CNTNAP2: variants seen among roughly 807,000 people sequenced by gnomAD.
The protein encoded by CNTNAP2 is contactin-associated protein-like 2.
CNTNAP2 carries 98 observed loss-of-function variants against 155.2 expected under a neutral mutation model. That is an observed-to-expected ratio of 0.63 (90% CI 0.54 to 0.75). The LOEUF is 0.75. Among genes scored for constraint, CNTNAP2 ranks in the 30% least tolerant of loss-of-function variants. The pLI is 0.00. For missense variants in CNTNAP2, 1,727 were observed against 1,688.1 expected, an observed-to-expected ratio of 1.02 and a Z score of -0.40; for synonymous variants, 651 against 631.2, an observed-to-expected ratio of 1.03 and a Z score of -0.47.
chr7:146,699,248 G>A (rs1424963064), intron 1 of CNTNAP2, among the ~76,000 whole-genome samples: 4 of 152,224 alleles, frequency 2.6e-5, no homozygotes, highest in South Asian at 4.2e-4. Flanking sequence ...AGTCTGCCCA[G>A]GATTTAAGCT....
In CNTNAP2 at chr7:147,601,593, G is replaced by A. The variant is rs556795432; in HGVS notation, c.1898-37513G>A. Among the ~76,000 whole-genome samples, 46 of 144,836 alleles carry A rather than the reference G, an allele frequency of 3.2e-4. No homozygotes were observed. The South Asian group carries it at 3.9e-3, about 12-fold the overall frequency. On this transcript the variant is annotated intron_variant, in intron 12 of 23. Transcript: ENST00000361727. ...TGGCTTAGCTTGGGCTCAGAGGCCT[G>A]ACAAGTATATTTTAGTATGTATCTC...
chr7:147,504,946 ACACACGCATG>A (rs1798881322), intron 11 of CNTNAP2, among the ~76,000 whole-genome samples: 1 of 152,036 alleles, frequency 6.6e-6, no homozygotes, highest in Non-Finnish European at 1.5e-5. Flanking sequence ...ACATGCACAC[ACACACGCATG>A]CACACACTGA....
chr7:146,848,251 A>G (rs1447269136), intron 3 of CNTNAP2, among the ~76,000 whole-genome samples: 1 of 152,168 alleles, frequency 6.6e-6, no homozygotes, highest in East Asian at 1.9e-4. Context: ...CTCTCACGAG[A>G]AAGAGGAATA....
intron 14 of CNTNAP2, among the ~76,000 whole-genome samples, chr7:147,956,322 G>C (rs1300571420): frequency 6.7e-6 from 1 of 150,126 alleles, no homozygotes. Context: ...AAAGCTATCA[G>C]TGAGATAAGC....
intron 8 of CNTNAP2, among the ~76,000 whole-genome samples, chr7:147,134,198 C>T (rs574467383): frequency 2.6e-5 from 4 of 151,880 alleles, no homozygotes; most frequent in Non-Finnish European, 4.4e-5. Context: ...AAGATATTAA[C>T]CCTAGTGGTC....
At chr7:146,127,826 T>C (rs1243700438) in intron 1 of CNTNAP2, among the ~76,000 whole-genome samples, 1 of 152,210 alleles carries the variant, frequency 6.6e-6, no homozygotes, top group African/African-American at 2.4e-5. Context: ...TCTGAAAAAC[T>C]TGATAACTAT....
intron 1 of CNTNAP2, among the ~76,000 whole-genome samples, chr7:146,165,769 G>A (rs1267040337): frequency 6.6e-6 from 1 of 152,112 alleles, no homozygotes; most frequent in Non-Finnish European, 1.5e-5. Flanking sequence ...ACAAAAGTTA[G>A]CAGGTTATAA....
At chr7:146,449,312 A>G (rs1796444802) in intron 1 of CNTNAP2, among the ~76,000 whole-genome samples, 1 of 151,936 alleles carries the variant, frequency 6.6e-6, no homozygotes, top group South Asian at 2.1e-4. Flanking sequence ...CTGTGTCATC[A>G]TAGTGTTGGT....
chr7:148,397,772 G>A (rs978834426), intron 22 of CNTNAP2, among the ~76,000 whole-genome samples: 1 of 152,236 alleles, frequency 6.6e-6, no homozygotes, highest in Non-Finnish European at 1.5e-5. Flanking sequence ...GCACCAGGGA[G>A]GAATGGTGTG....
At chr7:146,488,679 G>GTACA (rs1797094860) in intron 1 of CNTNAP2, among the ~76,000 whole-genome samples, 1 of 152,060 alleles carries the variant, frequency 6.6e-6, no homozygotes, top group South Asian at 2.1e-4. Flanking sequence ...TTGTGCTGGT[G>GTACA]TACAGTGCCA....
At chr7:147,625,459 A>G (rs1794953451) in intron 12 of CNTNAP2, among the ~76,000 whole-genome samples, 1 of 152,270 alleles carries the variant, frequency 6.6e-6, no homozygotes, top group South Asian at 2.1e-4. Context: ...GTAATATACA[A>G]GTGTTACAAA....
At chr7:147,734,983 AT>A (rs144986879) in intron 13 of CNTNAP2, among the ~76,000 whole-genome samples, 1,680 of 148,634 alleles carry the variant, frequency 0.011, 97 homozygotes, top group Admixed American at 0.088. Flanking sequence ...GGATTCATTG[AT>A]TTTTTTTTTT....
chr7:148,086,919 A>G (rs926661253), intron 15 of CNTNAP2, among the ~76,000 whole-genome samples: 4 of 152,196 alleles, frequency 2.6e-5, no homozygotes, highest in Non-Finnish European at 5.9e-5. Flanking sequence ...ATGTCTTCAC[A>G]ACTGATTTGA....
Position 147,345,687 on chromosome 7 carries a change from T to C in CNTNAP2, c.1498+45397T>C, listed in dbSNP as rs1286989264. 2.0e-5 allele frequency among the ~76,000 whole-genome samples: 3 copies of C among 152,332 alleles called. No homozygotes were observed. In the East Asian group the frequency reaches 5.8e-4, roughly 29 times the overall value. ...AAAAAAGCTGGTCAGTGATAGTTTT[T>C]TTCTGTTTCATTAAAGACAATACAT... On this transcript the variant is annotated intron_variant, in intron 9 of 23. Coordinates refer to ENST00000361727, the MANE Select transcript of CNTNAP2 (RefSeq NM_014141.6).
chr7:147,047,471 C>T (rs1347794805), intron 4 of CNTNAP2, among the ~76,000 whole-genome samples: 1 of 151,770 alleles, frequency 6.6e-6, no homozygotes, highest in African/African-American at 2.4e-5. Flanking sequence ...TATGGATTCC[C>T]ATTTATCTAT....
chr7:148,274,175 C>T (rs924207572), intron 21 of CNTNAP2, among the ~76,000 whole-genome samples: 13 of 152,046 alleles, frequency 8.6e-5, no homozygotes, highest in South Asian at 6.2e-4. Flanking sequence ...TGATTTTTTC[C>T]GTAAGCCTGG....
intron 1 of CNTNAP2, among the ~76,000 whole-genome samples, chr7:146,773,583 T>C (rs1313590427): frequency 6.6e-6 from 1 of 152,112 alleles, no homozygotes; most frequent in Non-Finnish European, 1.5e-5. Flanking sequence ...TTAGTAGAGA[T>C]GGGGTTTCTC....
chr7:148,172,184 G>T, intron 17 of CNTNAP2, 58 bp from the exon 18 acceptor site: 2 of 1,532,014 alleles, frequency 1.3e-6, no homozygotes, highest in Non-Finnish European at 1.8e-6. Context: ...AAAATATGAA[G>T]AATTAAGCAA....
intron 1 of CNTNAP2, among the ~76,000 whole-genome samples, chr7:146,653,853 G>A (rs113915147): frequency 3.9e-5 from 6 of 152,044 alleles, no homozygotes; most frequent in Non-Finnish European, 8.8e-5. Flanking sequence ...AGAGAAGGAA[G>A]AAGCAAGGTA....
Sources: gnomAD v4.1 joint callset for allele counts (sites outside exome capture counted in the v4.1 genomes callset) on GRCh38, gnomAD v4.1.1 for gene constraint, MANE v1.5 for transcripts, NCBI Gene and HGNC (gene_info 2026-07-23, HGNC 2026-07-21) for gene names.